REDIC1: variants seen among roughly 807,000 people sequenced by gnomAD.
REDIC1 encodes the protein regulator of DNA class I crossover intermediates 1, also known as HEI10 Interacting Protein 1.
chr12:39,896,495 CAT>C, the REDIC1 span, among the ~76,000 whole-genome samples: 2 of 138,790 alleles, frequency 1.4e-5, no homozygotes, highest in African/African-American at 2.7e-5. Flanking sequence ...TATATGTACA[CAT>C]ATATGTATGT....
chr12:39,867,174 T>C, the REDIC1 span, among the ~76,000 whole-genome samples: 1 of 152,228 alleles, frequency 6.6e-6, no homozygotes, highest in African/African-American at 2.4e-5. Context: ...TCTGAGTCCC[T>C]ATTTTCCCAA....
the REDIC1 span, among the ~76,000 whole-genome samples, chr12:39,713,945 A>G: frequency 7.4e-5 from 11 of 148,388 alleles, no homozygotes; most frequent in Non-Finnish European, 9.0e-5. Context: ...GCATATACCT[A>G]TATATACGTG....
chr12:39,809,957 G>A, the REDIC1 span, among the ~76,000 whole-genome samples: 6 of 152,180 alleles, frequency 3.9e-5, no homozygotes, highest in East Asian at 1.9e-4. Context: ...GAATAGTGCC[G>A]CAATAAACAT....
chr12:39,654,609 G>A, the REDIC1 span, among the ~76,000 whole-genome samples: 2 of 151,858 alleles, frequency 1.3e-5, no homozygotes, highest in East Asian at 1.9e-4. Flanking sequence ...AAACTGCTTG[G>A]TGTATAATCC....
At chr12:39,852,734 T>C in the REDIC1 span, among the ~76,000 whole-genome samples, 2 of 152,310 alleles carry the variant, frequency 1.3e-5, no homozygotes, top group East Asian at 3.9e-4. Flanking sequence ...CCTTTCTGCA[T>C]TGCAGATGAA....
the REDIC1 span, among the ~76,000 whole-genome samples, chr12:39,868,421 CA>C: frequency 1.3e-5 from 2 of 152,160 alleles, no homozygotes; most frequent in Non-Finnish European, 1.5e-5. Context: ...TTTCCCTTCC[CA>C]TGACTCTACC....
chr12:39,897,828 AT>A, the REDIC1 span, among the ~76,000 whole-genome samples: 1 of 152,112 alleles, frequency 6.6e-6, no homozygotes, highest in Non-Finnish European at 1.5e-5. Flanking sequence ...TTTCTATAAT[AT>A]TTTCATAAAT....
At chr12:39,822,016 A>C in the REDIC1 span, among the ~76,000 whole-genome samples, 2 of 151,530 alleles carry the variant, frequency 1.3e-5, no homozygotes, top group Non-Finnish European at 2.9e-5. Flanking sequence ...TGCGCTGCAC[A>C]CACTAACTCG....
At chr12:39,655,454 ACCTGAGGC>A in the REDIC1 span, among the ~76,000 whole-genome samples, 1 of 152,142 alleles carries the variant, frequency 6.6e-6, no homozygotes, top group Non-Finnish European at 1.5e-5. Context: ...ATGAGTAGAT[ACCTGAGGC>A]CCTCTGGTCT....
At chr12:39,802,740 A>T in the REDIC1 span, among the ~76,000 whole-genome samples, 1 of 152,184 alleles carries the variant, frequency 6.6e-6, no homozygotes, top group Non-Finnish European at 1.5e-5. Flanking sequence ...TACAGAGATA[A>T]AGATAGATAT....
At chr12:39,780,896 A>T in the REDIC1 span, among the ~76,000 whole-genome samples, 1 of 152,220 alleles carries the variant, frequency 6.6e-6, no homozygotes, top group Non-Finnish European at 1.5e-5. Flanking sequence ...ATACATGTGG[A>T]GTGTCTCAGC....
the REDIC1 span, among the ~76,000 whole-genome samples, chr12:39,729,070 T>C: frequency 6.6e-6 from 1 of 152,134 alleles, no homozygotes; most frequent in Admixed American, 6.5e-5. Flanking sequence ...TTAGTCTGGC[T>C]AGTGGTCTAT....
the REDIC1 span, among the ~76,000 whole-genome samples, chr12:39,707,381 A>G: frequency 1.3e-5 from 2 of 152,044 alleles, no homozygotes; most frequent in South Asian, 4.2e-4. Flanking sequence ...GAGGATATGG[A>G]GAAAGGGAAC....
At chr12:39,879,331 C>A in the REDIC1 span, among the ~76,000 whole-genome samples, 2 of 152,172 alleles carry the variant, frequency 1.3e-5, no homozygotes, top group Admixed American at 6.5e-5. Flanking sequence ...ATCCTCTAGA[C>A]CCCAGAATGG....
At chr12:39,873,755 T>A in the REDIC1 span, among the ~76,000 whole-genome samples, 4 of 152,276 alleles carry the variant, frequency 2.6e-5, no homozygotes, top group South Asian at 8.3e-4. Context: ...ACAGAATAAG[T>A]TGTCTAAATT....
At chr12:39,754,789 TCA>T in the REDIC1 span, among the ~76,000 whole-genome samples, 2 of 152,084 alleles carry the variant, frequency 1.3e-5, no homozygotes, top group South Asian at 2.1e-4. Context: ...GCACCACATT[TCA>T]CAGTTTTATA....
the REDIC1 span, among the ~76,000 whole-genome samples, chr12:39,663,866 TTTTTC>T: frequency 2.6e-5 from 4 of 152,046 alleles, no homozygotes; most frequent in Non-Finnish European, 5.9e-5. Flanking sequence ...TCCTGCTTTC[TTTTTC>T]TTTTCTTTTC....
At chr12:39,716,114 G>T in the REDIC1 span, among the ~76,000 whole-genome samples, 1 of 151,890 alleles carries the variant, frequency 6.6e-6, no homozygotes, top group African/African-American at 2.4e-5. Context: ...GTTGTTTCAT[G>T]TTCTGCAGCC....
chr12:39,626,310 G>A, the REDIC1 span: 6 of 1,613,828 alleles, frequency 3.7e-6, no homozygotes, highest in South Asian at 1.1e-5. Flanking sequence ...TAGACACAGG[G>A]ACCTCAGTGT....
Sources: allele counts gnomAD v4.1 joint callset (sites outside exome capture counted in the v4.1 genomes callset), GRCh38; gene constraint gnomAD v4.1.1; transcripts MANE v1.5; gene names NCBI Gene and HGNC (gene_info 2026-07-23, HGNC 2026-07-21).